XRCC6: variants seen among roughly 807,000 people sequenced by gnomAD.
XRCC6 encodes DNA repair protein Ku70.
In XRCC6, 5 loss-of-function variants were observed where a neutral mutation model predicts 65.7. The ratio of observed to expected loss-of-function variants is 0.08; its 90% CI spans 0.04 to 0.16. The LOEUF is 0.16. Ranked by LOEUF, XRCC6 falls within the 10% of genes least tolerant of loss-of-function variation. The pLI, the probability that XRCC6 is intolerant of heterozygous loss-of-function variation, is 1.00. For synonymous variants in XRCC6, 270 were observed against 270.6 expected (o/e 1.00, Z 0.02); for missense variants, 447 against 738.1 (o/e 0.61, Z 4.57).
chr22:41,626,245 C>G (rs1017942403), intron 2 of XRCC6, among the ~76,000 whole-genome samples: 1 of 150,218 alleles, frequency 6.7e-6, no homozygotes, highest in African/African-American at 2.5e-5. Flanking sequence ...CAGATTCAAG[C>G]GATTCTCCCA....
chr22:41,632,348 C>G (rs1264777513), intron 3 of XRCC6, among the ~76,000 whole-genome samples: 1 of 151,906 alleles, frequency 6.6e-6, no homozygotes, highest in Non-Finnish European at 1.5e-5. Context: ...TGGTGGCTCA[C>G]GCCTGTAATC....
At chr22:41,658,499 C>A in intron 11 of XRCC6, 147 bp downstream of exon 11, 1 of 742,874 alleles carries the variant, frequency 1.3e-6, no homozygotes, top group Non-Finnish European at 2.2e-6. Flanking sequence ...CTTTTCCAGA[C>A]CAGCTTAAAC....
In XRCC6 at chr22:41,636,759, T is replaced by C; in HGVS notation, c.578T>C (p.Leu193Pro). 1 of 1,614,120 alleles carries C rather than the reference T, an allele frequency of 6.2e-7. No individual in the cohort carries two copies. Among genetic ancestry groups the C allele is most frequent in the Non-Finnish European group, 8.5e-7 (1 of 1,180,012 alleles). The change falls in exon 5 of 13, where the codon CTC (leucine) becomes CCC (proline). Residue 193 changes from leucine to proline, a missense_variant. Leu to Pro is a moderately conservative substitution (Grantham distance 98, BLOSUM62 -3). Transcript: ENST00000360079. The part of the protein sequence containing the change: ...ASRARTKAGD[L>P]RDTGIFLDLM... The stretch of plus-strand genomic sequence containing the variant: ...CGGGCCAGGACCAAAGCCGGTGATC[T>C]CCGAGATACAGGTGGGCATATTTCC...
intron 4 of XRCC6, 119 bp from the exon 5 acceptor site, chr22:41,636,397 T>C (rs1336848818): frequency 1.3e-6 from 2 of 1,497,082 alleles, no homozygotes; most frequent in Admixed American, 2.3e-5. Context: ...ATGTGGACTT[T>C]GTTAAATGGG....
intron 6 of XRCC6, among the ~76,000 whole-genome samples, chr22:41,639,766 C>T (rs2067855129): frequency 1.3e-5 from 2 of 150,348 alleles, no homozygotes; most frequent in Admixed American, 1.3e-4. Context: ...GGGTTCATGC[C>T]ATTCTCCTGC....
At position 41,647,086 on chromosome 22, in the gene XRCC6, G is replaced by C; in HGVS notation, c.960+4G>C. The C allele has an allele frequency of 6.2e-7, 1 of 1,613,096 alleles. No homozygotes were observed. The highest frequency in any genetic ancestry group is 8.5e-7 in the Non-Finnish European group (1 of 1,179,626). ...TAGCGATACCAAGAGGTCTCAGGTA[G>C]GTAGAGATGCCTTTTGTTGTTGTTG... On this transcript the variant is annotated splice_donor_region_variant and intron_variant, in intron 7 of 12. Transcript: ENST00000360079.
intron 8 of XRCC6, 39 bp from the exon 9 acceptor site, chr22:41,653,490 C>A (rs752641141): frequency 5.2e-6 from 8 of 1,529,114 alleles, no homozygotes; most frequent in South Asian, 3.8e-5. Context: ...AGGAGGAAAC[C>A]TTTTTAGGAG....
rs1384416255 is a variant in XRCC6, at chr22:41,664,021, G to A, written c.*206G>A. 1 of 594,770 alleles carries A rather than the reference G, an allele frequency of 1.7e-6. No individual in the cohort carries two copies. The highest frequency in any genetic ancestry group is 2.9e-6 in the Non-Finnish European group (1 of 340,112). The allele number at this position is 594,770 out of a possible 1,614,324, so 36.8% of individuals were successfully genotyped here. A position where few individuals can be genotyped will look rare whatever the true frequency, so the allele number is the denominator to read the frequency against. The stretch of plus-strand genomic sequence containing the variant: ...TTCCTTACTTTACTGCCTGAATAAA[G>A]AGCCCTAAGTTTGTACTATATACTG... On this transcript the variant is annotated 3_prime_UTR_variant, in exon 13 of 13. Coordinates refer to ENST00000360079, the MANE Select transcript of XRCC6 (RefSeq NM_001469.5).
chr22:41,663,987 A>C lies in XRCC6; in HGVS notation c.*172A>C. 1.4e-6 allele frequency: 1 copy of C among 706,314 alleles called. No homozygotes were observed. 43.8% of individuals were successfully genotyped at this position (706,314 alleles called of 1,614,324 possible). A position where few individuals can be genotyped will look rare whatever the true frequency, so the allele number is the denominator to read the frequency against. ...GCCATGGTGATGGTGTAGCCCTCCC[A>C]CTTTGCTGTTCCTTACTTTACTGCC... On this transcript the variant is annotated 3_prime_UTR_variant, in exon 13 of 13. Transcript: ENST00000360079.
At chr22:41,635,238 C>T (rs1027827768) in intron 3 of XRCC6, among the ~76,000 whole-genome samples, 7 of 152,212 alleles carry the variant, frequency 4.6e-5, no homozygotes, top group African/African-American at 1.4e-4. Flanking sequence ...CACATGGCTT[C>T]AATGTAGTAC....
chr22:41,661,044 TA>T (rs57367685), intron 11 of XRCC6, among the ~76,000 whole-genome samples: 7,764 of 140,002 alleles, frequency 0.055, 457 homozygotes, highest in African/African-American at 0.14. Context: ...AAAAAAAATC[TA>T]AAAAAAAAAA....
rs1429698986 is a variant in XRCC6 at position 41,636,123 on chromosome 22, G to A, written c.206G>A (p.Ser69Asn). ...PFDMSIQCIQ[S>N]VYISKIISSD... is the part of the protein sequence containing the mutation. Reference sequence around the variant, plus strand: ...AATTTTTTTTTTCAGTGTATCCAAAGTGTGTACATCAGTAAGATCATAAGC... The same window carrying A: ...AATTTTTTTTTTCAGTGTATCCAAAATGTGTACATCAGTAAGATCATAAGC... Residue 69 changes from serine to asparagine, a missense_variant, in exon 4 of 13, where the codon AGT (serine) becomes AAT (asparagine). By Grantham distance (46) the Ser-to-Asn change is conservative. Around this residue, in one of 4 missense-constraint regions of XRCC6, gnomAD observed 228 missense variants for 307.4 expected, o/e 0.74. Transcript: ENST00000360079. 6.3e-7 allele frequency: 1 copy of A among 1,583,254 alleles called. No individual in the cohort carries two copies. Among genetic ancestry groups the A allele is most frequent in the African/African-American group, 1.4e-5 (1 of 72,740 alleles).
intron 6 of XRCC6, among the ~76,000 whole-genome samples, chr22:41,640,002 G>GC (rs2067857989): frequency 6.6e-6 from 1 of 151,680 alleles, no homozygotes; most frequent in South Asian, 2.1e-4. Context: ...GAATCCTAAA[G>GC]GTTACTCATT....
At chr22:41,637,901 G>A (rs2067826669) in intron 6 of XRCC6, 110 bp downstream of exon 6, 5 of 1,238,648 alleles carry the variant, frequency 4.0e-6, no homozygotes, top group Non-Finnish European at 5.4e-6. Context: ...AAGGCAGGCG[G>A]ATTGCTTGAG....
chr22:41,623,502 C>G (rs2067634080), intron 2 of XRCC6, among the ~76,000 whole-genome samples: 1 of 151,706 alleles, frequency 6.6e-6, no homozygotes, highest in Non-Finnish European at 1.5e-5. Flanking sequence ...ATTCTCCTGC[C>G]TCAGCCTCCC....
intron 6 of XRCC6, among the ~76,000 whole-genome samples, chr22:41,639,329 CTTTTTTTTTTTTTTT>C (rs386395480): frequency 1.5e-5 from 1 of 64,560 alleles, no homozygotes; most frequent in Non-Finnish European, 2.7e-5. Context: ...GATTCTTTTT[CTTTTTTTTTTTTTTT>C]TTTTTTTTTT....
At chr22:41,627,038 A>G (rs892162829) in intron 2 of XRCC6, among the ~76,000 whole-genome samples, 1 of 152,104 alleles carries the variant, frequency 6.6e-6, no homozygotes, top group Non-Finnish European at 1.5e-5. Flanking sequence ...GGTCTCCCAA[A>G]GTGTTGGGAT....
intron 8 of XRCC6, 59 bp from the exon 9 acceptor site, chr22:41,653,470 A>AAG (rs1200699007): frequency 2.4e-5 from 36 of 1,493,358 alleles, no homozygotes; most frequent in Non-Finnish European, 3.3e-5. Flanking sequence ...TTAGGGCTAA[A>AAG]AGAGAAGAAA....
intron 3 of XRCC6, among the ~76,000 whole-genome samples, chr22:41,632,643 C>A (rs1238885556): frequency 6.6e-6 from 1 of 151,460 alleles, no homozygotes; most frequent in Non-Finnish European, 1.5e-5. Context: ...GTAGTTGGCA[C>A]ACCAGAATAT....
Sources: gnomAD v4.1 joint callset for allele counts (sites outside exome capture counted in the v4.1 genomes callset) on GRCh38, gnomAD v4.1.1 for gene constraint, gnomAD v4.1.1 regional missense constraint, MANE v1.5 for transcripts, NCBI Gene and HGNC (gene_info 2026-07-23, HGNC 2026-07-21) for gene names.